The following ATXN7 variants were observed in gnomAD, a reference collection of about 807,000 sequenced individuals.
ATXN7 encodes ataxin-7.
In ATXN7, 12 loss-of-function variants were observed where a neutral mutation model predicts 70.5. The ratio of observed to expected loss-of-function variants is 0.17; its 90% CI spans 0.11 to 0.28. ATXN7 has a LOEUF of 0.28. Ranked by LOEUF, ATXN7 falls within the 10% of genes least tolerant of loss-of-function variation. ATXN7 has a pLI of 1.00. For synonymous variants in ATXN7, 498 were observed against 448.7 expected, an observed-to-expected ratio of 1.11 and a Z score of -1.39; for missense variants, 1,256 against 1,131.7, an observed-to-expected ratio of 1.11 and a Z score of -1.58.
upstream of ATXN7, chr3:63,863,615 C>T (rs1575821033): frequency 8.4e-7 from 1 of 1,196,394 alleles, no homozygotes. Context: ...GCCGGGGAGG[C>T]CCGGGGCTCC....
At chr3:63,918,012 A>C (rs142677232) in intron 4 of ATXN7, among the ~76,000 whole-genome samples, 7 of 152,240 alleles carry the variant, frequency 4.6e-5, no homozygotes, top group Admixed American at 1.3e-4. Context: ...ACAGGACATC[A>C]CCTCTCTTAT....
intron 5 of ATXN7, among the ~76,000 whole-genome samples, chr3:63,978,383 A>G (rs776358751): frequency 1.3e-5 from 2 of 152,226 alleles, no homozygotes. Flanking sequence ...CAATGGAGAC[A>G]TGGCCCACAG....
chr3:63,916,273 CTA>C (rs1321993483), intron 4 of ATXN7, among the ~76,000 whole-genome samples: 7 of 152,240 alleles, frequency 4.6e-5, no homozygotes, highest in South Asian at 4.1e-4. Context: ...CTTCTTAATT[CTA>C]TATTTCTAGG....
In ATXN7 at chr3:63,958,002, T is replaced by C. The variant is rs2075066558; in HGVS notation, c.499+5519T>C. Among the ~76,000 whole-genome samples the C allele has an allele frequency of 3.9e-5, 6 of 152,354 alleles. No homozygotes were observed. In the South Asian group the frequency reaches 1.2e-3, roughly 32 times the overall value. On this transcript the variant is annotated intron_variant, in intron 5 of 12. Transcript: ENST00000674280. ...ATGTTATATATTGAGCCACTACTGA[T>C]CACTGTGAATGGTATTTGAGTCTGT...
rs1168994125 is a variant in ATXN7, at chr3:63,999,788, A to G, written c.*321A>G. 2.0e-6 allele frequency: 1 copy of G among 508,268 alleles called. No individual in the cohort carries two copies. 31.5% of individuals were successfully genotyped at this position (508,268 alleles called of 1,614,324 possible). A position where few individuals can be genotyped will look rare whatever the true frequency, so the allele number is the denominator to read the frequency against. On this transcript the variant is annotated 3_prime_UTR_variant, in exon 13 of 13. Transcript: ENST00000674280. ...TTTGTTTTTTAACTTGCAGTATATC[A>G]CAGAGCCACTCTTCAAGTAGATTGG... is the stretch of plus-strand genomic sequence containing the variant.
chr3:63,985,745 C>A (rs569464892), intron 8 of ATXN7, among the ~76,000 whole-genome samples: 1 of 152,346 alleles, frequency 6.6e-6, no homozygotes, highest in South Asian at 2.1e-4. Context: ...TCCTCTGTGC[C>A]TTCCACGCGG....
intron 8 of ATXN7, among the ~76,000 whole-genome samples, chr3:63,985,230 A>C (rs1187085384): frequency 6.6e-6 from 1 of 152,098 alleles, no homozygotes; most frequent in Non-Finnish European, 1.5e-5. Context: ...CTTTATTGCT[A>C]GGTGGAGTGA....
At chr3:63,987,282 CA>C (rs770430065) in intron 8 of ATXN7, among the ~76,000 whole-genome samples, 1 of 152,228 alleles carries the variant, frequency 6.6e-6, no homozygotes, top group Non-Finnish European at 1.5e-5. Flanking sequence ...TGCCTTAAGA[CA>C]AACACTGCCA....
At chr3:63,917,898 G>T (rs1468002350) in intron 4 of ATXN7, among the ~76,000 whole-genome samples, 1 of 152,202 alleles carries the variant, frequency 6.6e-6, no homozygotes, top group East Asian at 1.9e-4. Flanking sequence ...GTGTGTTTAG[G>T]GGGTGTTGCT....
intron 4 of ATXN7, among the ~76,000 whole-genome samples, chr3:63,933,153 CAG>C (rs888124225): frequency 1.3e-5 from 2 of 152,170 alleles, no homozygotes; most frequent in African/African-American, 2.4e-5. Flanking sequence ...TTTCAGGTGT[CAG>C]AGGTCTATCT....
intron 8 of ATXN7, among the ~76,000 whole-genome samples, chr3:63,983,858 C>G (rs145124911): frequency 4.6e-4 from 70 of 152,156 alleles, no homozygotes; most frequent in African/African-American, 1.6e-3. Context: ...AGCTACCCCC[C>G]AGATAGGTTC....
intron 1 of ATXN7, among the ~76,000 whole-genome samples, chr3:63,894,536 G>GT (rs1250013536): frequency 6.6e-6 from 1 of 152,070 alleles, no homozygotes; most frequent in Middle Eastern, 3.2e-3. Flanking sequence ...GTTTTGTTTT[G>GT]TTTTTGAGTT....
intron 5 of ATXN7, among the ~76,000 whole-genome samples, chr3:63,953,381 T>C (rs13318680): frequency 0.025 from 3,798 of 151,934 alleles, 150 homozygotes; most frequent in African/African-American, 0.086. Flanking sequence ...GGCTGAAGGG[T>C]ATTTAGTATT....
intron 4 of ATXN7, among the ~76,000 whole-genome samples, chr3:63,929,573 C>A (rs1704861708): frequency 6.6e-6 from 1 of 152,078 alleles, no homozygotes; most frequent in South Asian, 2.1e-4. Flanking sequence ...GCCCGGCCTG[C>A]CTTTCTTTTG....
rs376225087 is a variant in ATXN7 at position 63,874,905 on chromosome 3, G to C, written c.-111+10747G>C. 1.6e-4 allele frequency among the ~76,000 whole-genome samples: 25 copies of C among 152,244 alleles called. No homozygotes were observed. In the East Asian group the frequency reaches 3.3e-3, roughly 20 times the overall value. On this transcript the variant is annotated intron_variant, in intron 1 of 12. Transcript: ENST00000674280. ...CAGTTCTGAAGGCCGAGAAGTCCAT[G>C]ATCAGGGTGCCAGCAGATTGTGTGT... is the stretch of plus-strand genomic sequence containing the variant.
At chr3:63,898,351 T>G (rs570822123) in intron 1 of ATXN7, 48 bp from the exon 2 acceptor site, 1 of 152,354 alleles carries the variant, frequency 6.6e-6, no homozygotes, top group Non-Finnish European at 1.5e-5. Flanking sequence ...TCTGATTAGC[T>G]TTGTCCATCC....
intron 5 of ATXN7, among the ~76,000 whole-genome samples, chr3:63,976,951 T>C (rs1398250609): frequency 6.6e-6 from 1 of 152,228 alleles, no homozygotes; most frequent in African/African-American, 2.4e-5. Flanking sequence ...TGAAAAGACC[T>C]GGCATTTGCT....
chr3:63,996,365 A>ACAG lies in ATXN7; in HGVS notation c.2552_2554dup (p.Ser851dup), dbSNP rs768341599. 6.2e-7 allele frequency: 1 copy of ACAG among 1,614,156 alleles called. No homozygotes were observed. Among genetic ancestry groups the ACAG allele is most frequent in the Non-Finnish European group, 8.5e-7 (1 of 1,180,024 alleles). ...TCACCCAGCTCGAGCAGCATCAACA[A>ACAG]CAGCAGCAGCAAACCCACAAAGGTT... On this transcript the variant is annotated inframe_insertion, in exon 12 of 13. Transcript: ENST00000674280.
chr3:63,988,315 G>A lies in ATXN7; in HGVS notation c.1352G>A (p.Ser451Asn). 6.2e-7 allele frequency: 1 copy of A among 1,614,024 alleles called. No individual in the cohort carries two copies. The highest frequency in any genetic ancestry group is 8.5e-7 in the Non-Finnish European group (1 of 1,179,994). ...VASKPKPHTPSLPRPPGCPAQ... is the reference protein window; with the variant it reads ...VASKPKPHTPNLPRPPGCPAQ... ...AGTAAACCTAAACCTCACACCCCCA[G>A]TCTTCCAAGGTAAGCCAGGCCCTCC... Residue 451 changes from serine (S) to asparagine (N), a missense_variant, in exon 9 of 13, where the codon AGT becomes AAT. Coordinates refer to ENST00000674280, the MANE Select transcript of ATXN7 (RefSeq NM_001377405.1).
Sources: gnomAD v4.1 joint callset for allele counts (sites outside exome capture counted in the v4.1 genomes callset) on GRCh38, gnomAD v4.1.1 for gene constraint, MANE v1.5 for transcripts, NCBI Gene and HGNC (gene_info 2026-07-23, HGNC 2026-07-21) for gene names.